UVRAG: variants seen among roughly 807,000 people sequenced by gnomAD.
UVRAG encodes the protein UV radiation resistance-associated gene protein.
A neutral mutation model predicts 78.0 loss-of-function variants in UVRAG; 19 were observed. The observed-to-expected ratio is 0.24, with a 90% CI of 0.17 to 0.36. The LOEUF (loss-of-function observed/expected upper bound fraction) is 0.36, where lower values mean the gene tolerates loss of function less well. Among genes scored for constraint, UVRAG ranks in the 10% least tolerant of loss-of-function variants. UVRAG has a pLI of 1.00. For synonymous variants in UVRAG, 323 were observed against 324.6 expected, an observed-to-expected ratio of 1.00 and a Z score of 0.05; for missense variants, 740 against 853.8, an observed-to-expected ratio of 0.87 and a Z score of 1.66.
chr11:76,087,539 G>C (rs943576431), intron 13 of UVRAG, among the ~76,000 whole-genome samples: 1 of 152,116 alleles, frequency 6.6e-6, no homozygotes, highest in Non-Finnish European at 1.5e-5. Context: ...AGTCCTCATA[G>C]CATGAGGACT....
intron 6 of UVRAG, among the ~76,000 whole-genome samples, chr11:75,923,710 AT>A (rs1341233184): frequency 6.6e-6 from 1 of 151,870 alleles, no homozygotes; most frequent in African/African-American, 2.4e-5. Context: ...CGCTCTGTCC[AT>A]TTTTTCCTGC....
intron 13 of UVRAG, among the ~76,000 whole-genome samples, chr11:76,070,012 C>T (rs915066784): frequency 6.6e-6 from 1 of 152,066 alleles, no homozygotes; most frequent in Non-Finnish European, 1.5e-5. Context: ...GATATAGCAC[C>T]ATCACACAAG....
chr11:75,884,883 C>A (rs1473277838), intron 4 of UVRAG, among the ~76,000 whole-genome samples: 1 of 151,984 alleles, frequency 6.6e-6, no homozygotes, highest in Non-Finnish European at 1.5e-5. Flanking sequence ...TTTGGCCTTT[C>A]CATATACACT....
intron 14 of UVRAG, chr11:76,137,410 G>A: frequency 2.2e-6 from 1 of 456,170 alleles, no homozygotes; most frequent in South Asian, 1.5e-5. Flanking sequence ...GTGGCCCAGA[G>A]GCAACGAGAA....
intron 14 of UVRAG, among the ~76,000 whole-genome samples, chr11:76,139,914 T>C (rs1952674863): frequency 6.6e-6 from 1 of 151,734 alleles, no homozygotes; most frequent in Non-Finnish European, 1.5e-5. Context: ...AAAGACAGCA[T>C]TGCAGACCAA....
At chr11:75,926,948 C>A (rs1277564575) in intron 6 of UVRAG, among the ~76,000 whole-genome samples, 2 of 152,092 alleles carry the variant, frequency 1.3e-5, no homozygotes, top group Admixed American at 6.5e-5. Context: ...TTTTCACATG[C>A]TTTATCTCAT....
At chr11:75,868,154 C>T (rs1252272498) in intron 3 of UVRAG, among the ~76,000 whole-genome samples, 1 of 152,192 alleles carries the variant, frequency 6.6e-6, no homozygotes, top group East Asian at 1.9e-4. Flanking sequence ...TGCAGTTTTT[C>T]TGCAGCAGTC....
chr11:75,899,740 C>T (rs554753407), intron 5 of UVRAG, among the ~76,000 whole-genome samples: 11 of 152,314 alleles, frequency 7.2e-5, no homozygotes, highest in Non-Finnish European at 1.3e-4. Context: ...AGAGAGAACA[C>T]GTGCAAACAC....
chr11:76,037,259 T>A (rs944785465), intron 12 of UVRAG, among the ~76,000 whole-genome samples: 1 of 152,198 alleles, frequency 6.6e-6, no homozygotes, highest in Non-Finnish European at 1.5e-5. Flanking sequence ...AATTCAGGAA[T>A]GAGTCAATGG....
intron 12 of UVRAG, among the ~76,000 whole-genome samples, chr11:76,047,544 A>G (rs1217891233): frequency 6.6e-6 from 1 of 152,176 alleles, no homozygotes; most frequent in Non-Finnish European, 1.5e-5. Flanking sequence ...GGTCTAATTT[A>G]GAGAAGGACA....
chr11:75,824,669 A>ATTTTTTTTT (rs1217028567), intron 1 of UVRAG, among the ~76,000 whole-genome samples: 2 of 118,658 alleles, frequency 1.7e-5, no homozygotes, highest in Admixed American at 8.6e-5. Context: ...GAAGTTTGTC[A>ATTTTTTTTT]TTTTTTTTTT....
At chr11:76,030,412 G>A (rs1319681253) in intron 12 of UVRAG, among the ~76,000 whole-genome samples, 1 of 152,158 alleles carries the variant, frequency 6.6e-6, no homozygotes, top group Admixed American at 6.6e-5. Context: ...AATAGGCCGA[G>A]AGTTAACTGT....
intron 6 of UVRAG, chr11:75,942,405 G>A (rs1337707478): frequency 6.6e-6 from 1 of 152,318 alleles, no homozygotes; most frequent in Non-Finnish European, 1.5e-5. Flanking sequence ...GAAGTCCATG[G>A]TGGAAGCTTT....
chr11:75,901,434 T>C (rs1368339672), intron 5 of UVRAG, among the ~76,000 whole-genome samples: 1 of 152,214 alleles, frequency 6.6e-6, no homozygotes, highest in Non-Finnish European at 1.5e-5. Flanking sequence ...TAGATTTCCA[T>C]GTATCTAAAC....
intron 8 of UVRAG, among the ~76,000 whole-genome samples, chr11:75,987,361 T>TA (rs1949519854): frequency 1.3e-5 from 2 of 152,246 alleles, no homozygotes; most frequent in African/African-American, 2.4e-5. Flanking sequence ...ACATGCTTCT[T>TA]ACACCAGATT....
At chr11:75,933,332 T>C (rs1948284226) in intron 6 of UVRAG, among the ~76,000 whole-genome samples, 1 of 152,170 alleles carries the variant, frequency 6.6e-6, no homozygotes, top group South Asian at 2.1e-4. Flanking sequence ...TAGACCACTG[T>C]CTCTTGCCAT....
At chr11:76,118,138 G>T (rs1483757572) in intron 14 of UVRAG, among the ~76,000 whole-genome samples, 1 of 152,114 alleles carries the variant, frequency 6.6e-6, no homozygotes, top group Admixed American at 6.5e-5. Context: ...AAAAGTCTAT[G>T]CATCTTTTAT....
chr11:75,877,007 G>GTT (rs1946798263), intron 3 of UVRAG, among the ~76,000 whole-genome samples: 1 of 151,308 alleles, frequency 6.6e-6, no homozygotes, highest in Non-Finnish European at 1.5e-5. Context: ...CTTCCGCAGT[G>GTT]TTTGTGTCCC....
At chr11:76,056,786 G>C (rs564664867) in intron 12 of UVRAG, among the ~76,000 whole-genome samples, 15 of 152,128 alleles carry the variant, frequency 9.9e-5, no homozygotes, top group African/African-American at 3.4e-4. Flanking sequence ...TATCTTTTTT[G>C]TGTGTGTAAT....
Sources: gnomAD v4.1 joint callset for allele counts (sites outside exome capture counted in the v4.1 genomes callset) on GRCh38, gnomAD v4.1.1 for gene constraint, MANE v1.5 for transcripts, NCBI Gene and HGNC (gene_info 2026-07-23, HGNC 2026-07-21) for gene names.